Variants in SPAST observed in about 807,000 individuals in gnomAD.
SPAST encodes the protein spastin, also known as spastic paraplegia 4 (autosomal dominant; spastin).
In SPAST, 30 loss-of-function variants were observed where a neutral mutation model predicts 76.6. The observed-to-expected ratio is 0.39, with a 90% CI of 0.29 to 0.53. The LOEUF (loss-of-function observed/expected upper bound fraction) is 0.53. Among genes scored for constraint, SPAST ranks in the 20% least tolerant of loss-of-function variants. SPAST has a pLI of 0.68. For synonymous variants in SPAST, 305 were observed against 281.0 expected (o/e 1.09, Z -0.86); for missense variants, 717 against 770.5 (o/e 0.93, Z 0.82).
chr2:32,073,177 A>G (rs1368316382), intron 1 of SPAST, among the ~76,000 whole-genome samples: 1 of 152,224 alleles, frequency 6.6e-6, no homozygotes, highest in African/African-American at 2.4e-5. Context: ...AATTAAGGAT[A>G]GTTAGTAAAT....
At position 32,081,781 on chromosome 2, in the gene SPAST, C is replaced by CAAAAAAAAAAAAAAAAAAAAAAAAAAA. The variant is rs34078147; in HGVS notation, c.416-5688_416-5687insAAAAAAAAAAAAAAAAAAAAAAAAAAA. On this transcript the variant is annotated intron_variant, in intron 1 of 16. Coordinates refer to ENST00000315285, the MANE Select transcript of SPAST (RefSeq NM_014946.4). ...CCTGGGCGACAGAGTGAGACACTGT[C>CAAAAAAAAAAAAAAAAAAAAAAAAAAA]AAAAAAAAAAAAAAAAAAAAAAAGG... 1.4e-4 allele frequency among the ~76,000 whole-genome samples: 6 copies of CAAAAAAAAAAAAAAAAAAAAAAAAAAA among 44,386 alleles called. 1 individual carries two copies. The highest frequency in any genetic ancestry group is 9.4e-4 in the East Asian group (1 of 1,068). The allele number at this position is 44,386 out of a possible 152,430, so 29.1% of individuals were successfully genotyped here.
chr2:32,071,443 A>G (rs1676746835), intron 1 of SPAST, among the ~76,000 whole-genome samples: 1 of 150,820 alleles, frequency 6.6e-6, no homozygotes, highest in Non-Finnish European at 1.5e-5. Context: ...TAACTTCGTC[A>G]ATGAAAAGAG....
Position 32,143,333 on chromosome 2 carries a change from C to T in SPAST, c.1537-3C>T. 4.6e-6 allele frequency: 7 copies of T among 1,519,720 alleles called. No individual in the cohort carries two copies. Among genetic ancestry groups the T allele is most frequent in the Non-Finnish European group, 6.4e-6 (7 of 1,096,584 alleles). The allele number at this position is 1,519,720 out of a possible 1,614,324, so 94.1% of individuals were successfully genotyped here. On this transcript the variant is annotated splice_region_variant and splice_polypyrimidine_tract_variant and intron_variant, in intron 13 of 16. Transcript: ENST00000315285. ...TGAATGATCATTTTTTAATATTTTT[C>T]AGACAAGACTACTTTTGCTTAAAAA...
rs145469250 is a variant in SPAST at position 32,066,992 on chromosome 2, ACC to A, written c.415+2747_415+2748del. Among the ~76,000 whole-genome samples, 42 of 54,692 alleles carry A rather than the reference ACC, an allele frequency of 7.7e-4. 2 individuals carry two copies. The highest frequency in any genetic ancestry group is 5.7e-3 in the East Asian group (4 of 700). The allele number at this position is 54,692 out of a possible 152,430, so 35.9% of individuals were successfully genotyped here. A position where few individuals can be genotyped will look rare whatever the true frequency, so the allele number is the denominator to read the frequency against. ...TGTCTCAAAAAAAAAAAAAAAAAAAACCAAAAAAAAAAAAACTGTTTTAATTG... is the reference window on the plus strand; with the variant it reads ...TGTCTCAAAAAAAAAAAAAAAAAAAAAAAAAAAAAAAAACTGTTTTAATTG... On this transcript the variant is annotated intron_variant, in intron 1 of 16. Coordinates refer to ENST00000315285, the MANE Select transcript of SPAST (RefSeq NM_014946.4).
intron 2 of SPAST, among the ~76,000 whole-genome samples, chr2:32,088,387 G>A (rs1573070748): frequency 6.6e-6 from 1 of 150,986 alleles, no homozygotes; most frequent in African/African-American, 2.4e-5. Context: ...GCTCATGCCT[G>A]TAATCCCAGC....
chr2:32,101,052 G>A (rs889377574), intron 4 of SPAST, among the ~76,000 whole-genome samples: 4 of 152,136 alleles, frequency 2.6e-5, no homozygotes, highest in African/African-American at 9.7e-5. Flanking sequence ...TTCCACAATG[G>A]TTGAACTAGT....
At chr2:32,147,845 A>G (rs868575180) in intron 16 of SPAST, among the ~76,000 whole-genome samples, 6 of 144,976 alleles carry the variant, frequency 4.1e-5, no homozygotes, top group Non-Finnish European at 6.0e-5. Context: ...GTTAGCCAGG[A>G]TGGTCTCTGT....
At chr2:32,089,218 T>TC (rs375850129) in intron 2 of SPAST, among the ~76,000 whole-genome samples, 4 of 129,974 alleles carry the variant, frequency 3.1e-5, no homozygotes, top group South Asian at 2.7e-4. Flanking sequence ...TTTTTTTTTT[T>TC]AAGTAGAGAC....
chr2:32,127,577 ATAT>A (rs1188164566), intron 8 of SPAST: 3 of 153,604 alleles, frequency 2.0e-5, no homozygotes, highest in African/African-American at 7.3e-5. Context: ...TTACCTTACT[ATAT>A]TGAGTATCTT....
At chr2:32,112,793 C>T (rs538197305) in intron 4 of SPAST, among the ~76,000 whole-genome samples, 30 of 151,756 alleles carry the variant, frequency 2.0e-4, no homozygotes, top group African/African-American at 6.3e-4. Context: ...TTTCTTAAAC[C>T]GTATTAAGAG....
At chr2:32,109,427 A>G (rs565575684) in intron 4 of SPAST, among the ~76,000 whole-genome samples, 236 of 152,080 alleles carry the variant, frequency 1.6e-3, no homozygotes, top group Middle Eastern at 6.8e-3. Flanking sequence ...TAAATACTGT[A>G]AGGCTTATAA....
intron 4 of SPAST, among the ~76,000 whole-genome samples, chr2:32,106,580 T>G (rs1678330587): frequency 6.6e-6 from 1 of 152,224 alleles, no homozygotes; most frequent in Non-Finnish European, 1.5e-5. Context: ...TTTGGCCATC[T>G]TGGAACCCTG....
In SPAST at chr2:32,137,059, A is replaced by G. The variant is rs1015625345; in HGVS notation, c.1414-50A>G. ...AGGTTAAAAATACAAATATCTTTAT[A>G]TTTGTTATTACTTTTCTAAATGAAT... is the stretch of plus-strand genomic sequence containing the variant. On this transcript the variant is annotated intron_variant, in intron 11 of 16. Coordinates refer to ENST00000315285, the MANE Select transcript of SPAST (RefSeq NM_014946.4). The G allele has an allele frequency of 5.1e-6, 8 of 1,562,700 alleles. No individual in the cohort carries two copies. In the African/African-American group the frequency reaches 9.5e-5, roughly 19 times the overall value.
chr2:32,155,371 ACTG>A lies in SPAST; in HGVS notation c.*879_*881del, dbSNP rs1036258603. ...CTGATATTTAAGAGAGCCAATTTTA[ACTG>A]CTGTGAAAATGTTTCCAGTGCAAGA... On this transcript the variant is annotated 3_prime_UTR_variant, in exon 17 of 17. Coordinates refer to ENST00000315285, the MANE Select transcript of SPAST (RefSeq NM_014946.4). 3.3e-5 allele frequency: 5 copies of A among 152,610 alleles called. 1 individual carries two copies. Among genetic ancestry groups the A allele is most frequent in the African/African-American group, 1.2e-4 (5 of 41,456 alleles). 9.5% of individuals were successfully genotyped at this position (152,610 alleles called of 1,614,324 possible).
rs1678768725 is a variant in SPAST, at chr2:32,114,911, G to A, written c.870+86G>A. On this transcript the variant is annotated intron_variant, in intron 5 of 16. Transcript: ENST00000315285. ...CTATTCCTGCTTAAGTTGATCATAA[G>A]TACTTTATAATACTTTAGAGAATGG... 7 of 942,330 alleles carry A rather than the reference G, an allele frequency of 7.4e-6. No individual in the cohort carries two copies. The Admixed American group carries it at 1.1e-4, about 15-fold the overall frequency. The allele number at this position is 942,330 out of a possible 1,614,324, so 58.4% of individuals were successfully genotyped here. A position where few individuals can be genotyped will look rare whatever the true frequency, so the allele number is the denominator to read the frequency against.
At chr2:32,064,430 C>A (rs1461875211) in intron 1 of SPAST, among the ~76,000 whole-genome samples, 184 bp downstream of exon 1, 1 of 152,156 alleles carries the variant, frequency 6.6e-6, no homozygotes, top group African/African-American at 2.4e-5. Flanking sequence ...TAAAACCTCT[C>A]CCCTTTCAGG....
intron 5 of SPAST, 100 bp from the exon 6 acceptor site, chr2:32,115,602 A>G (rs1206160490): frequency 1.9e-5 from 17 of 917,016 alleles, no homozygotes; most frequent in East Asian, 2.5e-5. Flanking sequence ...CCTTTTTCCT[A>G]TTTTTAAAGC....
At chr2:32,088,394 C>T (rs1215732276) in intron 2 of SPAST, among the ~76,000 whole-genome samples, 1 of 152,064 alleles carries the variant, frequency 6.6e-6, no homozygotes, top group African/African-American at 2.4e-5. Context: ...CCTGTAATCC[C>T]AGCACTTTGG....
intron 12 of SPAST, among the ~76,000 whole-genome samples, chr2:32,141,627 A>T: frequency 6.6e-6 from 1 of 152,174 alleles, no homozygotes; most frequent in East Asian, 1.9e-4. Context: ...ATTCAAGAAG[A>T]CAGATCTACT....
Sources: allele counts gnomAD v4.1 joint callset (sites outside exome capture counted in the v4.1 genomes callset), GRCh38; gene constraint gnomAD v4.1.1; transcripts MANE v1.5; gene names NCBI Gene and HGNC (gene_info 2026-07-23, HGNC 2026-07-21).